Variants in DPYSL3 observed in about 807,000 individuals in gnomAD.
DPYSL3 encodes the protein dihydropyrimidinase like 3.
A neutral mutation model predicts 66.1 loss-of-function variants in DPYSL3; 16 were observed. That is an observed-to-expected ratio of 0.24 (90% CI 0.16 to 0.37). The LOEUF is 0.37. Ranked by LOEUF, DPYSL3 falls within the 10% of genes least tolerant of loss-of-function variation. The pLI is 1.00. For synonymous variants in DPYSL3, 338 were observed against 345.1 expected (o/e 0.98, Z 0.23); for missense variants, 738 against 916.2 (o/e 0.81, Z 2.51).
At chr5:147,409,404 T>A (rs1222553011) in intron 6 of DPYSL3, among the ~76,000 whole-genome samples, 1 of 152,248 alleles carries the variant, frequency 6.6e-6, no homozygotes, top group East Asian at 1.9e-4. Context: ...CATATTTTAA[T>A]AAGCCACTCA....
rs1318299423 is a variant in DPYSL3, at chr5:147,436,611, G to A, written c.382-11648C>T. On this transcript the variant is annotated intron_variant, in intron 1 of 13. Transcript: ENST00000343218. ...ACATTATTTCTCTAGTTGCATATGC[G>A]TAATGTACTTTATAACTTTTAAAAG... Among the ~76,000 whole-genome samples, 6 of 152,040 alleles carry A rather than the reference G, an allele frequency of 3.9e-5. No individual in the cohort carries two copies. The East Asian group carries it at 5.8e-4, about 15-fold the overall frequency.
chr5:147,426,963 A>G (rs908501364), intron 1 of DPYSL3, among the ~76,000 whole-genome samples: 1 of 152,212 alleles, frequency 6.6e-6, no homozygotes, highest in Non-Finnish European at 1.5e-5. Context: ...TCCACCACAC[A>G]TGATATACAA....
intron 1 of DPYSL3, among the ~76,000 whole-genome samples, chr5:147,500,547 G>C (rs1753590867): frequency 6.7e-6 from 1 of 150,256 alleles, no homozygotes; most frequent in African/African-American, 2.5e-5. Flanking sequence ...CTGGGAGATA[G>C]AGATTGCAGT....
In DPYSL3 at chr5:147,477,872, G is replaced by A. The variant is rs367948077; in HGVS notation, c.381+31606C>T. On this transcript the variant is annotated intron_variant, in intron 1 of 13. Transcript: ENST00000343218. ...GCTGGGATTACAGGCGTGAGCCACCGCGCCCGGCCCTAAATCTTTACTAAA... is the reference window on the plus strand; with the variant it reads ...GCTGGGATTACAGGCGTGAGCCACCACGCCCGGCCCTAAATCTTTACTAAA... Among the ~76,000 whole-genome samples, 119 of 152,140 alleles carry A rather than the reference G, an allele frequency of 7.8e-4. 1 individual carries two copies. The South Asian group carries it at 0.011, about 14-fold the overall frequency.
intron 1 of DPYSL3, chr5:147,453,922 C>T (rs1752796808): frequency 2.8e-6 from 1 of 358,528 alleles, no homozygotes. Context: ...CCTCCCTCTT[C>T]TCTCTTATCC....
intron 1 of DPYSL3, among the ~76,000 whole-genome samples, chr5:147,494,256 A>C (rs1753462793): frequency 6.6e-6 from 1 of 152,202 alleles, no homozygotes; most frequent in Admixed American, 6.5e-5. Context: ...TGTATTAAAA[A>C]AGAAGAAATA....
chr5:147,397,734 C>T lies in DPYSL3; in HGVS notation c.1735G>A (p.Ala579Thr). Residue 579 changes from alanine to threonine, a missense_variant, in exon 12 of 14, where the codon GCT (alanine) becomes ACT (threonine). Ala to Thr is a moderately conservative substitution (Grantham distance 58). Coordinates refer to ENST00000343218, the MANE Select transcript of DPYSL3 (RefSeq NM_001197294.2). ...GGGCTGCAGGGTATGAAGCGGCCAG[C>T]CCCCTGGGTCACGTGCAGGTTGCCA... ...EDGNLHVTQG[A>T]GRFIPCSPFS... 1.2e-6 allele frequency: 2 copies of T among 1,614,076 alleles called. No individual in the cohort carries two copies. Among genetic ancestry groups the T allele is most frequent in the East Asian group, 4.5e-5 (2 of 44,862 alleles).
intron 1 of DPYSL3, among the ~76,000 whole-genome samples, chr5:147,500,475 G>A (rs1312661472): frequency 2.0e-5 from 3 of 151,944 alleles, no homozygotes; most frequent in Admixed American, 6.6e-5. Flanking sequence ...TTAGCCGGGC[G>A]TGGTTGTGCA....
chr5:147,481,228 G>GT (rs958504329), intron 1 of DPYSL3, among the ~76,000 whole-genome samples: 1 of 152,094 alleles, frequency 6.6e-6, no homozygotes, highest in Non-Finnish European at 1.5e-5. Context: ...TGTTGAAACT[G>GT]TTTTTGTTAT....
chr5:147,405,895 C>T (rs1271165883), intron 7 of DPYSL3, 165 bp from the exon 8 acceptor site: 7 of 800,976 alleles, frequency 8.7e-6, no homozygotes, highest in Non-Finnish European at 1.3e-5. Flanking sequence ...CTACCACTTC[C>T]TAACTGTGTC....
At chr5:147,488,408 T>C (rs1232245607) in intron 1 of DPYSL3, among the ~76,000 whole-genome samples, 3 of 152,098 alleles carry the variant, frequency 2.0e-5, no homozygotes, top group Non-Finnish European at 4.4e-5. Flanking sequence ...TGGATGTGAG[T>C]CCTATCTCTG....
chr5:147,408,642 A>G, intron 7 of DPYSL3, 86 bp downstream of exon 7: 1 of 1,429,162 alleles, frequency 7.0e-7, no homozygotes, highest in Non-Finnish European at 9.8e-7. Context: ...ATGTTCCAAT[A>G]CTGCAACCTG....
chr5:147,455,463 A>G (rs914914167), intron 1 of DPYSL3, among the ~76,000 whole-genome samples: 2 of 152,220 alleles, frequency 1.3e-5, no homozygotes, highest in Non-Finnish European at 2.9e-5. Context: ...ACAAGGGGGA[A>G]TAAAAAGACT....
At chr5:147,400,957 A>G (rs1038475242) in intron 9 of DPYSL3, 124 bp from the exon 10 acceptor site, 2 of 1,266,264 alleles carry the variant, frequency 1.6e-6, no homozygotes, top group Non-Finnish European at 2.1e-6. Flanking sequence ...TGCCTCCTCT[A>G]CCTCTTACTA....
chr5:147,410,918 A>G (rs943216105), intron 6 of DPYSL3, among the ~76,000 whole-genome samples: 2 of 152,196 alleles, frequency 1.3e-5, no homozygotes, highest in African/African-American at 4.8e-5. Flanking sequence ...TTCCCAAGGT[A>G]GGGAAATAGC....
chr5:147,441,241 C>T (rs1752528343), intron 1 of DPYSL3, among the ~76,000 whole-genome samples: 1 of 152,138 alleles, frequency 6.6e-6, no homozygotes, highest in Non-Finnish European at 1.5e-5. Flanking sequence ...ACAACAGAAA[C>T]TTATCTTCCC....
In DPYSL3 at chr5:147,509,563, G is replaced by A. The variant is rs775105003; in HGVS notation, c.296C>T (p.Ala99Val). The A allele has an allele frequency of 5.0e-5, 77 of 1,534,898 alleles. No homozygotes were observed. The highest frequency in any genetic ancestry group is 6.3e-5 in the Non-Finnish European group (72 of 1,146,516). Residue 99 changes from alanine (A) to valine (V), a missense_variant, in exon 1 of 14, where the codon GCG becomes GTG. By Grantham distance (64) the Ala-to-Val change is moderately conservative (BLOSUM62 0). Transcript: ENST00000343218. This position sits in a 1 kb window ranked among gnomAD's most constrained non-coding sequence, Gnocchi z 5.3. The stretch of plus-strand genomic sequence containing the variant: ...CCCGGCGGGGGCGGGGGAGGCGGGC[G>A]CGGGCTCCCTGCTCTCTTCCCGGCC... ...GQGREESREP[A>V]PASPAPAGVE...
At chr5:147,481,374 ATT>A (rs1753241292) in intron 1 of DPYSL3, among the ~76,000 whole-genome samples, 1 of 152,220 alleles carries the variant, frequency 6.6e-6, no homozygotes, top group Non-Finnish European at 1.5e-5. Flanking sequence ...GAAGTTTTAT[ATT>A]ACTTACAATC....
chr5:147,400,344 T>C (rs1315576923), intron 10 of DPYSL3, among the ~76,000 whole-genome samples: 4 of 152,196 alleles, frequency 2.6e-5, no homozygotes, highest in Non-Finnish European at 4.4e-5. Flanking sequence ...AAGGATTATA[T>C]CCAGTTCTTT....
Sources: allele counts gnomAD v4.1 joint callset (sites outside exome capture counted in the v4.1 genomes callset), GRCh38; gene constraint gnomAD v4.1.1; non-coding constraint Gnocchi (gnomAD v3.1); transcripts MANE v1.5; gene names NCBI Gene and HGNC (gene_info 2026-07-23, HGNC 2026-07-21).